Variants in IP6K1 observed in about 807,000 individuals in gnomAD.
The protein encoded by IP6K1 is inositol hexakisphosphate kinase 1, also known as ATP:1D-myo-inositol-hexakisphosphate phosphotransferase.
In IP6K1, 13 loss-of-function variants were observed where a neutral mutation model predicts 38.3. The ratio of observed to expected loss-of-function variants is 0.34; its 90% CI spans 0.22 to 0.54. IP6K1 has a LOEUF of 0.54. Ranked by LOEUF, IP6K1 falls within the 20% of genes least tolerant of loss-of-function variation. The pLI is 0.92. For synonymous variants in IP6K1, 212 were observed against 229.9 expected (o/e 0.92, Z 0.70); for missense variants, 397 against 599.8 (o/e 0.66, Z 3.53).
At chr3:49,759,855 G>A (rs2080853705) in intron 1 of IP6K1, among the ~76,000 whole-genome samples, 1 of 152,198 alleles carries the variant, frequency 6.6e-6, no homozygotes, top group African/African-American at 2.4e-5. Flanking sequence ...GCTTCAAGCA[G>A]ATTAGATTCC....
chr3:49,732,370 C>T (rs1057476753), intron 4 of IP6K1, among the ~76,000 whole-genome samples: 32 of 152,282 alleles, frequency 2.1e-4, no homozygotes, highest in Middle Eastern at 3.4e-3. Flanking sequence ...TGGGCACATA[C>T]GCAGATCTGT....
chr3:49,775,758 C>T (rs189746060), intron 1 of IP6K1: 25 of 321,536 alleles, frequency 7.8e-5, no homozygotes, highest in Admixed American at 5.0e-4. Context: ...CCAACCCTCC[C>T]CTCCCTTCAC....
rs2080778079 is a variant in IP6K1, at chr3:49,751,593, C to T, written c.-128-3425G>A. ...GCCTGCATAACGTCTTTCTCTGCTACTTCATTGCTAATAGAGCCCCAATCT... is the reference window on the plus strand; with the variant it reads ...GCCTGCATAACGTCTTTCTCTGCTATTTCATTGCTAATAGAGCCCCAATCT... On this transcript the variant is annotated intron_variant, in intron 1 of 5. Coordinates refer to ENST00000321599, the MANE Select transcript of IP6K1 (RefSeq NM_153273.4). 3.3e-5 allele frequency among the ~76,000 whole-genome samples: 5 copies of T among 152,196 alleles called. No individual in the cohort carries two copies. The South Asian group carries it at 8.3e-4, about 25-fold the overall frequency.
chr3:49,759,626 T>G (rs182683571), intron 1 of IP6K1, among the ~76,000 whole-genome samples: 104 of 152,298 alleles, frequency 6.8e-4, no homozygotes, highest in African/African-American at 2.5e-3. Flanking sequence ...GACCATCTAT[T>G]TGAACATCCA....
chr3:49,730,320 GGCCACCACACCCA>G (rs2080551924), intron 4 of IP6K1, among the ~76,000 whole-genome samples: 1 of 151,928 alleles, frequency 6.6e-6, no homozygotes. Context: ...AACAGATGTG[GGCCACCACACCCA>G]GCCTATGTTA....
chr3:49,725,357 C>T lies in IP6K1; in HGVS notation c.*1765G>A, dbSNP rs2080489506. The T allele has an allele frequency of 6.6e-6, 1 of 152,340 alleles. No individual in the cohort carries two copies. The highest frequency in any genetic ancestry group is 1.5e-5 in the Non-Finnish European group (1 of 68,062). The allele number at this position is 152,340 out of a possible 1,614,324, so 9.4% of individuals were successfully genotyped here. ...AGGGCTACTGCCCCCATGGCTGAAGCCACAGAATGGTACAGGAGAGAAGAC... is the reference window on the plus strand; with the variant it reads ...AGGGCTACTGCCCCCATGGCTGAAGTCACAGAATGGTACAGGAGAGAAGAC... On this transcript the variant is annotated 3_prime_UTR_variant, in exon 6 of 6. Coordinates refer to ENST00000321599, the MANE Select transcript of IP6K1 (RefSeq NM_153273.4).
intron 1 of IP6K1, among the ~76,000 whole-genome samples, chr3:49,774,181 G>A (rs6801718): frequency 0.017 from 2,617 of 152,064 alleles, 83 homozygotes; most frequent in African/African-American, 0.058. Flanking sequence ...CAAGGCAGGC[G>A]GATCATGAGG....
chr3:49,725,135 T>A lies in IP6K1; in HGVS notation c.*1987A>T, dbSNP rs2080486391. On this transcript the variant is annotated 3_prime_UTR_variant, in exon 6 of 6. Coordinates refer to ENST00000321599, the MANE Select transcript of IP6K1 (RefSeq NM_153273.4). Reference sequence around the variant, plus strand: ...AGCAGCAAATCCCAGGCCTTCCCACTCTTTGTAGTGCCAGGAAAATACTGA... The same window carrying A: ...AGCAGCAAATCCCAGGCCTTCCCACACTTTGTAGTGCCAGGAAAATACTGA... 1 of 152,576 alleles carries A rather than the reference T, an allele frequency of 6.6e-6. No homozygotes were observed. The highest frequency in any genetic ancestry group is 6.5e-5 in the Admixed American group (1 of 15,278). The allele number at this position is 152,576 out of a possible 1,614,324, so 9.5% of individuals were successfully genotyped here. A position where few individuals can be genotyped will look rare whatever the true frequency, so the allele number is the denominator to read the frequency against.
intron 1 of IP6K1, among the ~76,000 whole-genome samples, chr3:49,755,096 C>CTTTT (rs559780072): frequency 5.8e-4 from 65 of 111,954 alleles, no homozygotes; most frequent in Non-Finnish European, 8.3e-4. Context: ...CCAAGCCTGG[C>CTTTT]TTTTTTTTTT....
intron 1 of IP6K1, among the ~76,000 whole-genome samples, chr3:49,748,544 T>C (rs2080744178): frequency 6.6e-6 from 1 of 152,196 alleles, no homozygotes; most frequent in Non-Finnish European, 1.5e-5. Flanking sequence ...GGGAATTTGT[T>C]CTGTTCAGAC....
rs566662038 is a variant in IP6K1 at position 49,731,137 on chromosome 3, T to C, written c.616+1654A>G. ...ATAAATTTATCCCTTAATAGTTCTA[T>C]AACCTTCTGCTCAAAACGATCTATG... On this transcript the variant is annotated intron_variant, in intron 4 of 5. Transcript: ENST00000321599. 4.6e-5 allele frequency among the ~76,000 whole-genome samples: 7 copies of C among 152,010 alleles called. No individual in the cohort carries two copies. The South Asian group carries it at 1.0e-3, about 22-fold the overall frequency.
intron 1 of IP6K1, among the ~76,000 whole-genome samples, chr3:49,772,230 T>A (rs1032517692): frequency 6.1e-5 from 9 of 147,004 alleles, no homozygotes; most frequent in African/African-American, 2.0e-4. Context: ...AAAAAATATA[T>A]ATATATATAT....
rs1237026572 is a variant in IP6K1, at chr3:49,748,188, A to T, written c.-128-20T>A. ...TCTGTCCTACAGAAAAGAAGAGAGG[A>T]AGAAGGAATCAAAACACTGGGTGAG... On this transcript the variant is annotated intron_variant, in intron 1 of 5. Coordinates refer to ENST00000321599, the MANE Select transcript of IP6K1 (RefSeq NM_153273.4). 1.2e-6 allele frequency: 1 copy of T among 805,086 alleles called. No homozygotes were observed. Among genetic ancestry groups the T allele is most frequent in the African/African-American group, 1.7e-5 (1 of 58,110 alleles). 49.9% of individuals were successfully genotyped at this position (805,086 alleles called of 1,614,324 possible). A position where few individuals can be genotyped will look rare whatever the true frequency, so the allele number is the denominator to read the frequency against.
intron 1 of IP6K1, among the ~76,000 whole-genome samples, chr3:49,773,332 C>G (rs776220143): frequency 6.6e-6 from 1 of 152,144 alleles, no homozygotes; most frequent in Non-Finnish European, 1.5e-5. Context: ...ACATACTGGC[C>G]GGGCGCGGTG....
intron 1 of IP6K1, among the ~76,000 whole-genome samples, chr3:49,763,199 G>T (rs1407537047): frequency 5.9e-5 from 9 of 151,282 alleles, no homozygotes; most frequent in Non-Finnish European, 1.2e-4. Context: ...CGCCTCCCGG[G>T]TTCACACCAT....
intron 2 of IP6K1, among the ~76,000 whole-genome samples, chr3:49,743,280 A>ACACT (rs1360873546): frequency 7.0e-6 from 1 of 141,980 alleles, no homozygotes; most frequent in Non-Finnish European, 1.5e-5. Context: ...ACACACACAC[A>ACACT]CTTACCTTTC....
At chr3:49,766,764 G>C (rs151173149) in intron 1 of IP6K1, among the ~76,000 whole-genome samples, 1 of 151,132 alleles carries the variant, frequency 6.6e-6, no homozygotes, top group Non-Finnish European at 1.5e-5. Context: ...TCAGGAGTTT[G>C]AGACCAGCCT....
At chr3:49,737,115 T>C (rs2108227849) in intron 3 of IP6K1, among the ~76,000 whole-genome samples, 1 of 149,608 alleles carries the variant, frequency 6.7e-6, no homozygotes, top group East Asian at 2.0e-4. Flanking sequence ...CTCACTATGT[T>C]GCCCAAGCTG....
intron 1 of IP6K1, chr3:49,785,949 A>G (rs2081109086): frequency 1.3e-5 from 2 of 152,234 alleles, no homozygotes; most frequent in Non-Finnish European, 2.9e-5. Flanking sequence ...CTTAGCATCC[A>G]GCGTCCTGAA....
Sources: allele counts gnomAD v4.1 joint callset (sites outside exome capture counted in the v4.1 genomes callset), GRCh38; gene constraint gnomAD v4.1.1; transcripts MANE v1.5; gene names NCBI Gene and HGNC (gene_info 2026-07-23, HGNC 2026-07-21).